The following JDP2 variants were observed in gnomAD, a reference collection of about 807,000 sequenced individuals.
The protein encoded by JDP2 is progesterone receptor co-activator.
In JDP2, 9 loss-of-function variants were observed where a neutral mutation model predicts 17.1. The ratio of observed to expected loss-of-function variants is 0.53; its 90% CI spans 0.32 to 0.92. The LOEUF is 0.92. Among genes scored for constraint, JDP2 ranks in the 40% least tolerant of loss-of-function variants. The pLI is 0.04. For missense variants in JDP2, 179 were observed against 220.0 expected, an observed-to-expected ratio of 0.81 and a Z score of 1.18; for synonymous variants, 107 against 95.6, an observed-to-expected ratio of 1.12 and a Z score of -0.69.
At chr14:75,464,043 C>T (rs752389355) in intron 3 of JDP2, among the ~76,000 whole-genome samples, 2 of 152,180 alleles carry the variant, frequency 1.3e-5, no homozygotes, top group Admixed American at 6.5e-5. Flanking sequence ...CAGAAGTGCG[C>T]GGCCTTGGGG....
Position 75,439,939 on chromosome 14 carries a change from C to T in JDP2, c.201+1818C>T, listed in dbSNP as rs569870321. Among the ~76,000 whole-genome samples the T allele has an allele frequency of 2.6e-5, 4 of 152,324 alleles. No homozygotes were observed. The South Asian group carries it at 8.3e-4, about 32-fold the overall frequency. The stretch of plus-strand genomic sequence containing the variant: ...TTGATGAAGAGCCAGGTGTCTTGGG[C>T]AGAGGTCGTCAAGCTGGGATTCGCC... On this transcript the variant is annotated intron_variant, in intron 2 of 3. Transcript: ENST00000651602.
chr14:75,439,938 G>A (rs772917825), intron 2 of JDP2, among the ~76,000 whole-genome samples: 1 of 152,216 alleles, frequency 6.6e-6, no homozygotes, highest in Non-Finnish European at 1.5e-5. Flanking sequence ...GGTGTCTTGG[G>A]CAGAGGTCGT....
rs191108020 is a variant in JDP2 at position 75,456,029 on chromosome 14, A to G, written c.202-5397A>G. On this transcript the variant is annotated intron_variant, in intron 2 of 3. Coordinates refer to ENST00000651602, the MANE Select transcript of JDP2 (RefSeq NM_001135048.2). ...ACTGGGGACCATCTTCAGCTCCTCCATTAGCCCCTGGCATCACCTGACCTC... is the reference window on the plus strand; with the variant it reads ...ACTGGGGACCATCTTCAGCTCCTCCGTTAGCCCCTGGCATCACCTGACCTC... 2.4e-3 allele frequency among the ~76,000 whole-genome samples: 367 copies of G among 152,272 alleles called. 1 individual carries two copies. Among genetic ancestry groups the G allele is most frequent in the African/African-American group, 8.1e-3 (335 of 41,552 alleles).
chr14:75,431,772 A>G (rs923956993), intron 1 of JDP2, among the ~76,000 whole-genome samples: 2 of 152,214 alleles, frequency 1.3e-5, no homozygotes, highest in Admixed American at 6.5e-5. Flanking sequence ...AATCCTCTTC[A>G]TGGCTGCAGG....
At chr14:75,432,270 A>G (rs1444383550) in intron 1 of JDP2, 20 of 1,535,512 alleles carry the variant, frequency 1.3e-5, no homozygotes, top group Non-Finnish European at 1.8e-5. Context: ...GAGAGAGGTC[A>G]TCCTGGGTGA....
rs765407125 is a variant in JDP2, at chr14:75,438,160, G to A, written c.201+39G>A. The A allele has an allele frequency of 1.5e-5, 22 of 1,493,376 alleles. No homozygotes were observed. In the South Asian group the frequency reaches 2.8e-4, roughly 19 times the overall value. 92.5% of individuals were successfully genotyped at this position (1,493,376 alleles called of 1,614,324 possible). A position where few individuals can be genotyped will look rare whatever the true frequency, so the allele number is the denominator to read the frequency against. On this transcript the variant is annotated intron_variant, in intron 2 of 3. Transcript: ENST00000651602. The stretch of plus-strand genomic sequence containing the variant: ...TTACCCCTGGCAGATTCCAGGTCTG[G>A]CCTTAAACCCACCATGGGACCTTAA...
intron 2 of JDP2, among the ~76,000 whole-genome samples, chr14:75,447,115 T>C (rs1885637578): frequency 6.6e-6 from 1 of 152,202 alleles, no homozygotes; most frequent in African/African-American, 2.4e-5. Flanking sequence ...TGATTAGAAT[T>C]CCCCGGAAAG....
At position 75,428,622 on chromosome 14, in the gene JDP2, A is replaced by C. The variant is rs557050855; in HGVS notation, c.-24+370A>C. 1 of 152,308 alleles carries C rather than the reference A, an allele frequency of 6.6e-6. No homozygotes were observed. Among genetic ancestry groups the C allele is most frequent in the East Asian group, 1.9e-4 (1 of 5,142 alleles). 9.4% of individuals were successfully genotyped at this position (152,308 alleles called of 1,614,324 possible). A position where few individuals can be genotyped will look rare whatever the true frequency, so the allele number is the denominator to read the frequency against. On this transcript the variant is annotated intron_variant, in intron 1 of 3. Transcript: ENST00000651602. The surrounding 1 kb of genome is among the most constrained non-coding windows in gnomAD (Gnocchi z 5.6). ...GGAAGGCGGGGTGAGTGGGGAGAAA[A>C]GTGCCCGCGGAGATGGGCTGTGCGG...
intron 2 of JDP2, among the ~76,000 whole-genome samples, chr14:75,450,478 C>A (rs1885797723): frequency 1.3e-5 from 2 of 152,240 alleles, no homozygotes; most frequent in South Asian, 4.1e-4. Context: ...GGCTTATCCA[C>A]CCGTGCCCCC....
intron 3 of JDP2, among the ~76,000 whole-genome samples, chr14:75,462,697 G>A (rs146017218): frequency 6.2e-4 from 95 of 152,322 alleles, no homozygotes; most frequent in African/African-American, 2.2e-3. Context: ...GTCCTCCTGT[G>A]GGAGCTGGAG....
intron 2 of JDP2, among the ~76,000 whole-genome samples, chr14:75,449,459 C>G (rs1474969501): frequency 6.6e-6 from 1 of 152,190 alleles, no homozygotes; most frequent in Non-Finnish European, 1.5e-5. Flanking sequence ...GTTAAAGAGT[C>G]AGTTTCAGCT....
At chr14:75,445,644 A>T in intron 2 of JDP2, 2 of 923,346 alleles carry the variant, frequency 2.2e-6, no homozygotes, top group Non-Finnish European at 2.6e-6. Context: ...CCTAGTACCT[A>T]GTACCATATA....
intron 2 of JDP2, among the ~76,000 whole-genome samples, chr14:75,439,343 C>A (rs1885228155): frequency 6.6e-6 from 1 of 152,180 alleles, no homozygotes; most frequent in African/African-American, 2.4e-5. Flanking sequence ...TTGGCCGGCT[C>A]AGTGTTTTAA....
At chr14:75,429,555 T>C (rs1419450952) in intron 1 of JDP2, among the ~76,000 whole-genome samples, 2 of 152,122 alleles carry the variant, frequency 1.3e-5, no homozygotes. Context: ...CTGAGGGTTT[T>C]AAAAAACACT....
chr14:75,447,194 A>G (rs1885641065), intron 2 of JDP2, among the ~76,000 whole-genome samples: 1 of 152,354 alleles, frequency 6.6e-6, no homozygotes, highest in South Asian at 2.1e-4. Context: ...ACCTGTAGCC[A>G]TTAGCTGAAA....
At chr14:75,440,279 C>T (rs951546323) in intron 2 of JDP2, among the ~76,000 whole-genome samples, 2 of 152,154 alleles carry the variant, frequency 1.3e-5, no homozygotes, top group Non-Finnish European at 2.9e-5. Context: ...GAGATTGTAC[C>T]GATGTAGAGA....
rs1364710463 is a variant in JDP2 at position 75,428,236 on chromosome 14, C to T, written c.-40C>T. 6.8e-6 allele frequency: 1 copy of T among 146,054 alleles called. No individual in the cohort carries two copies. The highest frequency in any genetic ancestry group is 6.8e-5 in the Admixed American group (1 of 14,736). The allele number at this position is 146,054 out of a possible 1,614,324, so 9.0% of individuals were successfully genotyped here. A position where few individuals can be genotyped will look rare whatever the true frequency, so the allele number is the denominator to read the frequency against. On this transcript the variant is annotated 5_prime_UTR_variant, in exon 1 of 4. Coordinates refer to ENST00000651602, the MANE Select transcript of JDP2 (RefSeq NM_001135048.2). The surrounding 1 kb of genome is among the most constrained non-coding windows in gnomAD (Gnocchi z 5.6). ...CCCGGCCCCGGGGGCGCCGCCTCCC[C>T]CCGCACCTTCTGCACGGTGGGTGCG...
intron 2 of JDP2, among the ~76,000 whole-genome samples, chr14:75,440,735 G>A (rs1594951925): frequency 1.3e-5 from 2 of 152,194 alleles, no homozygotes; most frequent in African/African-American, 4.8e-5. Context: ...CGTTACAGCC[G>A]GGTCTCACTT....
At chr14:75,427,952 G>T (rs1244704690), upstream of JDP2, 2 of 152,146 alleles carry the variant, frequency 1.3e-5, no homozygotes, top group Admixed American at 1.3e-4. This position sits in a 1 kb window ranked among gnomAD's most constrained non-coding sequence, Gnocchi z 4.4. Flanking sequence ...AGCTCGGCCG[G>T]TTCCGCATTC....
Sources: gnomAD v4.1 joint callset for allele counts (sites outside exome capture counted in the v4.1 genomes callset) on GRCh38, gnomAD v4.1.1 for gene constraint, Gnocchi (gnomAD v3.1) non-coding constraint, MANE v1.5 for transcripts, NCBI Gene and HGNC (gene_info 2026-07-23, HGNC 2026-07-21) for gene names.